The following SLC38A1 variants were observed in gnomAD, a reference collection of about 807,000 sequenced individuals.
SLC38A1 encodes solute carrier family 38 member 1.
SLC38A1 carries 18 observed loss-of-function variants against 60.3 expected under a neutral mutation model. The observed-to-expected ratio is 0.30, with a 90% CI of 0.21 to 0.44. SLC38A1 has a LOEUF of 0.44. Among genes scored for constraint, SLC38A1 ranks in the 20% least tolerant of loss-of-function variants. The pLI is 1.00. For synonymous variants in SLC38A1, 196 were observed against 212.1 expected (o/e 0.92, Z 0.66); for missense variants, 448 against 587.2 (o/e 0.76, Z 2.45).
At chr12:46,234,484 T>G (rs1468926849) in intron 3 of SLC38A1, among the ~76,000 whole-genome samples, 1 of 151,392 alleles carries the variant, frequency 6.6e-6, no homozygotes, top group Non-Finnish European at 1.5e-5. Flanking sequence ...GTCTCTGTCT[T>G]TCGCCCAGGC....
rs774976085 is a variant in SLC38A1, at chr12:46,184,664, A to G, written c.*4306T>C. ...TTAAGCAGAGCAGACCTTTCAGTAG[A>G]GAATTCGCTTTAAAAGGAGGACAGG... On this transcript the variant is annotated 3_prime_UTR_variant, in exon 17 of 17. Transcript: ENST00000398637. The G allele has an allele frequency of 3.9e-5, 6 of 152,210 alleles. No homozygotes were observed. Among genetic ancestry groups the G allele is most frequent in the Non-Finnish European group, 7.3e-5 (5 of 68,038 alleles). The allele number at this position is 152,210 out of a possible 1,614,324, so 9.4% of individuals were successfully genotyped here.
At chr12:46,227,203 A>G (rs1393519943) in intron 5 of SLC38A1, among the ~76,000 whole-genome samples, 1 of 152,224 alleles carries the variant, frequency 6.6e-6, no homozygotes, top group African/African-American at 2.4e-5. Flanking sequence ...TCTATATCCA[A>G]CCAAACTACC....
rs753948429 is a variant in SLC38A1, at chr12:46,201,143, C to G, written c.958G>C (p.Val320Leu). 1 of 1,613,406 alleles carries G rather than the reference C, an allele frequency of 6.2e-7. No individual in the cohort carries two copies. Among genetic ancestry groups the G allele is most frequent in the Non-Finnish European group, 8.5e-7 (1 of 1,179,668 alleles). Residue 320 changes from valine to leucine, a missense_variant, in exon 13 of 17, where the codon GTT becomes CTT. This residue lies in a region of SLC38A1 where 346 missense variants were observed against 497.5 expected (regional missense o/e 0.70). Transcript: ENST00000398637. ...VSNISFFAMF[V>L]MYFLTAIFGY... ...AAAATGGCAGTCAAGAAGTACATAA[C>G]AAACATGGCGAAAAAGGAGATGTTT... is the stretch of plus-strand genomic sequence containing the variant.
At chr12:46,230,276 G>T (rs1941023754) in intron 3 of SLC38A1, among the ~76,000 whole-genome samples, 2 of 152,314 alleles carry the variant, frequency 1.3e-5, no homozygotes, top group Admixed American at 1.3e-4. Context: ...AGACACGGGG[G>T]TAGGTAATAA....
At chr12:46,255,913 C>T (rs539669794) in intron 1 of SLC38A1, among the ~76,000 whole-genome samples, 244 of 152,244 alleles carry the variant, frequency 1.6e-3, no homozygotes, top group African/African-American at 5.6e-3. Flanking sequence ...CCTGTAATCC[C>T]ACCACTTTGG....
intron 3 of SLC38A1, chr12:46,239,216 C>A (rs1941358732): frequency 6.6e-6 from 1 of 152,642 alleles, no homozygotes; most frequent in Non-Finnish European, 1.5e-5. Context: ...ACAGATGTCA[C>A]ATAAGAAATT....
rs1002247597 is a variant in SLC38A1, at chr12:46,256,623, A to G, written c.-209+11903T>C. On this transcript the variant is annotated intron_variant, in intron 1 of 16. Transcript: ENST00000398637. ...TTTGCGCGCGCGCGCGCACACACAC[A>G]CACACACACACACAGAGAGAGAGAG... 2.5e-5 allele frequency among the ~76,000 whole-genome samples: 3 copies of G among 119,046 alleles called. No individual in the cohort carries two copies. In the East Asian group the frequency reaches 8.7e-4, roughly 35 times the overall value. 78.1% of individuals were successfully genotyped at this position (119,046 alleles called of 152,430 possible).
chr12:46,246,891 G>C (rs904239184), intron 1 of SLC38A1, among the ~76,000 whole-genome samples: 9 of 152,170 alleles, frequency 5.9e-5, no homozygotes, highest in South Asian at 4.1e-4. Flanking sequence ...GGGCAAACAG[G>C]GTCTGGAAAG....
intron 1 of SLC38A1, among the ~76,000 whole-genome samples, chr12:46,259,757 T>C (rs1456578219): frequency 1.3e-5 from 2 of 152,210 alleles, no homozygotes; most frequent in African/African-American, 4.8e-5. Context: ...CTGGCTCTTC[T>C]GCTAGGACCT....
intron 1 of SLC38A1, among the ~76,000 whole-genome samples, 194 bp from the exon 2 acceptor site, chr12:46,243,508 C>G (rs984972901): frequency 5.3e-5 from 8 of 152,170 alleles, no homozygotes; most frequent in African/African-American, 9.7e-5. Context: ...AAATTGACAT[C>G]TAACTGGTTA....
At position 46,238,947 on chromosome 12, in the gene SLC38A1, A is replaced by G. The variant is rs78586697; in HGVS notation, c.122+732T>C. ...CATACTACAAATGATGCTTATAAGG[A>G]TGACACACTTGTAGTTTAACACAGA... On this transcript the variant is annotated intron_variant, in intron 3 of 16. Transcript: ENST00000398637. Among the ~76,000 whole-genome samples the G allele has an allele frequency of 9.9e-3, 1,510 of 152,354 alleles. 24 individuals carry two copies. The highest frequency in any genetic ancestry group is 0.035 in the African/African-American group (1,443 of 41,568).
At chr12:46,247,387 T>C (rs185489686) in intron 1 of SLC38A1, among the ~76,000 whole-genome samples, 39 of 152,262 alleles carry the variant, frequency 2.6e-4, no homozygotes, top group Middle Eastern at 6.8e-3. Flanking sequence ...ATGTGATGTA[T>C]GCACAAGCTT....
intron 5 of SLC38A1, among the ~76,000 whole-genome samples, chr12:46,210,101 C>T (rs561918361): frequency 1.0e-3 from 154 of 152,296 alleles, no homozygotes; most frequent in African/African-American, 3.4e-3. Flanking sequence ...TCATGCCGTT[C>T]GCTCTGCGTG....
At chr12:46,232,870 A>T (rs1044608764) in intron 3 of SLC38A1, among the ~76,000 whole-genome samples, 2 of 152,214 alleles carry the variant, frequency 1.3e-5, no homozygotes, top group African/African-American at 4.8e-5. Context: ...AATAGTTGTT[A>T]TACTATATTT....
intron 16 of SLC38A1, among the ~76,000 whole-genome samples, chr12:46,192,468 C>A (rs571986661): frequency 6.6e-6 from 1 of 152,222 alleles, no homozygotes; most frequent in African/African-American, 2.4e-5. Context: ...GGGAGGATTC[C>A]CTCTTTTCTA....
chr12:46,209,030 A>G (rs1315747422), intron 6 of SLC38A1, 24 bp downstream of exon 6: 3 of 1,567,614 alleles, frequency 1.9e-6, no homozygotes, highest in Non-Finnish European at 2.6e-6. Context: ...GGTTTTAACA[A>G]AATCAAACAC....
intron 7 of SLC38A1, 71 bp from the exon 8 acceptor site, chr12:46,207,307 T>A (rs1420365267): frequency 2.2e-6 from 3 of 1,363,960 alleles, no homozygotes; most frequent in Non-Finnish European, 2.1e-6. Context: ...TAAAAAGTTA[T>A]CAGCCCGTTC....
rs1938984938 is a variant in SLC38A1, at chr12:46,187,722, G to T, written c.*1248C>A. On this transcript the variant is annotated 3_prime_UTR_variant, in exon 17 of 17. Coordinates refer to ENST00000398637, the MANE Select transcript of SLC38A1 (RefSeq NM_030674.4). ...TGAGACCCCCTTGTCTTCCTCATCTGGGGGAAGGAAGGTACTCAGTGATTC... is the reference window on the plus strand; with the variant it reads ...TGAGACCCCCTTGTCTTCCTCATCTTGGGGAAGGAAGGTACTCAGTGATTC... 6.6e-6 allele frequency: 1 copy of T among 151,762 alleles called. No individual in the cohort carries two copies. The highest frequency in any genetic ancestry group is 2.1e-4 in the South Asian group (1 of 4,822). 9.4% of individuals were successfully genotyped at this position (151,762 alleles called of 1,614,324 possible). A position where few individuals can be genotyped will look rare whatever the true frequency, so the allele number is the denominator to read the frequency against.
At chr12:46,198,890 G>C (rs1242725113) in intron 13 of SLC38A1, 147 bp from the exon 14 acceptor site, 9 of 601,142 alleles carry the variant, frequency 1.5e-5, no homozygotes, top group Non-Finnish European at 2.4e-5. Flanking sequence ...AGGTTGGAAA[G>C]AAAAATCTCT....
Sources: allele counts gnomAD v4.1 joint callset (sites outside exome capture counted in the v4.1 genomes callset), GRCh38; gene constraint gnomAD v4.1.1; regional missense constraint gnomAD v4.1.1; transcripts MANE v1.5; gene names NCBI Gene and HGNC (gene_info 2026-07-23, HGNC 2026-07-21).